RPRD1B: variants seen among roughly 807,000 people sequenced by gnomAD.
RPRD1B encodes the protein regulation of nuclear pre-mRNA domain containing 1B.
A neutral mutation model predicts 41.5 loss-of-function variants in RPRD1B; 11 were observed. The ratio of observed to expected loss-of-function variants is 0.27; its 90% confidence interval spans 0.17 to 0.44. The LOEUF (loss-of-function observed/expected upper bound fraction) is 0.44, where lower values mean the gene tolerates loss of function less well. RPRD1B is among the 20% of genes least tolerant of loss of function. The pLI, the probability that RPRD1B is intolerant of heterozygous loss-of-function variation, is 1.00. For missense variants in RPRD1B, 248 were observed against 389.9 expected (o/e 0.64, Z 3.06); for synonymous variants, 158 against 155.6 (o/e 1.02, Z -0.12).
In RPRD1B at chr20:38,091,962, GT is replaced by G. The variant is rs2074615401; in HGVS notation, c.*2093del. 2.0e-6 allele frequency: 2 copies of G among 985,842 alleles called. No individual in the cohort carries two copies. 61.1% of individuals were successfully genotyped at this position (985,842 alleles called of 1,614,324 possible). A position where few individuals can be genotyped will look rare whatever the true frequency, so the allele number is the denominator to read the frequency against. ...TAGTGGACTTCCTGTGAGGAAGTTA[GT>G]TTTTTGTTTTGATGAAATGCTTTCG... is the stretch of plus-strand genomic sequence containing the variant. On this transcript the variant is annotated 3_prime_UTR_variant, in exon 7 of 7. Coordinates refer to ENST00000373433, the MANE Select transcript of RPRD1B (RefSeq NM_021215.4).
intron 6 of RPRD1B, among the ~76,000 whole-genome samples, chr20:38,087,434 G>A (rs988306075): frequency 4.6e-5 from 7 of 152,092 alleles, no homozygotes; most frequent in African/African-American, 1.7e-4. Flanking sequence ...CTAGAGACTT[G>A]GTGGTTTTCA....
chr20:38,048,199 A>T (rs1487253302), intron 2 of RPRD1B, 149 bp from the exon 3 acceptor site: 1 of 710,440 alleles, frequency 1.4e-6, no homozygotes, highest in Non-Finnish European at 2.1e-6. Context: ...AGTTTTGGGT[A>T]TCCAGGTATT....
chr20:38,053,534 G>C (rs1469038510), intron 3 of RPRD1B, among the ~76,000 whole-genome samples: 2 of 152,196 alleles, frequency 1.3e-5, no homozygotes, highest in Non-Finnish European at 2.9e-5. Flanking sequence ...AAGGCCAGGT[G>C]CTTTAAGAGA....
intron 5 of RPRD1B, 132 bp from the exon 6 acceptor site, chr20:38,065,949 G>A: frequency 1.2e-6 from 1 of 814,528 alleles, no homozygotes; most frequent in Non-Finnish European, 1.9e-6. Flanking sequence ...CTCATTGTTT[G>A]TCCACAGGTG....
In RPRD1B at chr20:38,090,640, C is replaced by T. The variant is rs541283977; in HGVS notation, c.*765C>T. ...ACTTCTCCACTGTCGGAGCACGTTC[C>T]GAAAAACAGAATGCCTTGATCCCTG... On this transcript the variant is annotated 3_prime_UTR_variant, in exon 7 of 7. Transcript: ENST00000373433. The T allele has an allele frequency of 7.5e-5, 74 of 985,458 alleles. 1 individual carries two copies. The South Asian group carries it at 2.6e-3, about 34-fold the overall frequency. 61.0% of individuals were successfully genotyped at this position (985,458 alleles called of 1,614,324 possible).
At chr20:38,072,792 C>T (rs370408013) in intron 6 of RPRD1B, among the ~76,000 whole-genome samples, 6 of 152,182 alleles carry the variant, frequency 3.9e-5, no homozygotes, top group African/African-American at 1.4e-4. Flanking sequence ...AGTGGTATCA[C>T]CTTTCAATAA....
intron 4 of RPRD1B, among the ~76,000 whole-genome samples, chr20:38,058,631 A>T (rs2074267182): frequency 6.6e-6 from 1 of 152,168 alleles, no homozygotes. Context: ...TGATACATTT[A>T]ATTTTGGGAG....
intron 3 of RPRD1B, among the ~76,000 whole-genome samples, chr20:38,049,367 CTTTTTTTTT>C (rs11481142): frequency 4.3e-5 from 4 of 93,424 alleles, no homozygotes; most frequent in South Asian, 4.0e-4. Context: ...TTCTTTTTTT[CTTTTTTTTT>C]TTTTTTTTTT....
intron 3 of RPRD1B, among the ~76,000 whole-genome samples, chr20:38,049,367 C>CTTTTTTTTTTTTTT (rs11481142): frequency 4.0e-4 from 37 of 93,418 alleles, no homozygotes; most frequent in East Asian, 9.2e-4. Flanking sequence ...TTCTTTTTTT[C>CTTTTTTTTTTTTTT]TTTTTTTTTT....
intron 3 of RPRD1B, among the ~76,000 whole-genome samples, chr20:38,052,443 A>G (rs2074195404): frequency 6.6e-6 from 1 of 152,210 alleles, no homozygotes; most frequent in Non-Finnish European, 1.5e-5. Context: ...GACAGCTTGT[A>G]GAACTGTGCC....
At chr20:38,052,057 T>C (rs1417117483) in intron 3 of RPRD1B, among the ~76,000 whole-genome samples, 1 of 152,190 alleles carries the variant, frequency 6.6e-6, no homozygotes, top group Non-Finnish European at 1.5e-5. Flanking sequence ...GGCCCCTAGC[T>C]GTCATTTCTA....
chr20:38,048,408 A>C lies in RPRD1B; in HGVS notation c.342A>C (p.Arg114=). 1 of 1,614,074 alleles carries C rather than the reference A, an allele frequency of 6.2e-7. No homozygotes were observed. The highest frequency in any genetic ancestry group is 2.2e-5 in the East Asian group (1 of 44,888). ...GATTGCTGAACATCTGGCAAGAACG[A>C]AGTGTGTATGGCGGCGAGTTCATAC... The part of the protein sequence containing the change: ...LERLLNIWQE[R]SVYGGEFIQQ... Residue 114 remains arginine, a synonymous_variant, in exon 3 of 7, where the codon CGA becomes CGC. Coordinates refer to ENST00000373433, the MANE Select transcript of RPRD1B (RefSeq NM_021215.4).
At chr20:38,084,694 G>T (rs1368836501) in intron 6 of RPRD1B, among the ~76,000 whole-genome samples, 7 of 152,220 alleles carry the variant, frequency 4.6e-5, no homozygotes, top group African/African-American at 1.4e-4. Context: ...CACGGTGTCA[G>T]CTGGATCCAC....
chr20:38,057,685 A>G (rs764302997), intron 4 of RPRD1B, 41 bp downstream of exon 4: 9 of 1,368,946 alleles, frequency 6.6e-6, no homozygotes, highest in Non-Finnish European at 9.4e-6. Context: ...AGTGGCTTAA[A>G]GTGACCTCTA....
At chr20:38,040,903 C>A (rs181839715) in intron 2 of RPRD1B, among the ~76,000 whole-genome samples, 1 of 152,182 alleles carries the variant, frequency 6.6e-6, no homozygotes, top group Non-Finnish European at 1.5e-5. Context: ...AGTAAGGGAA[C>A]CTTTTAGTAA....
intron 3 of RPRD1B, among the ~76,000 whole-genome samples, chr20:38,054,633 G>T (rs2122717119): frequency 6.6e-6 from 1 of 152,260 alleles, no homozygotes; most frequent in African/African-American, 2.4e-5. Context: ...TCCTCCCAGT[G>T]CCAAAATTCA....
At chr20:38,072,496 T>G (rs2074422472) in intron 6 of RPRD1B, among the ~76,000 whole-genome samples, 1 of 152,210 alleles carries the variant, frequency 6.6e-6, no homozygotes, top group African/African-American at 2.4e-5. Flanking sequence ...CTATTTAGGA[T>G]CGCTTGCAAT....
chr20:38,072,763 G>A (rs1344516795), intron 6 of RPRD1B, among the ~76,000 whole-genome samples: 1 of 152,154 alleles, frequency 6.6e-6, no homozygotes, highest in Non-Finnish European at 1.5e-5. Context: ...TCTAGGTTTT[G>A]GGACCACAGA....
At chr20:38,042,467 C>G (rs2074076489) in intron 2 of RPRD1B, among the ~76,000 whole-genome samples, 1 of 152,124 alleles carries the variant, frequency 6.6e-6, no homozygotes, top group Non-Finnish European at 1.5e-5. Context: ...TTCCTTTTTT[C>G]TTGGGAACAC....
Sources: gnomAD v4.1 joint callset for allele counts (sites outside exome capture counted in the v4.1 genomes callset) on GRCh38, gnomAD v4.1.1 for gene constraint, MANE v1.5 for transcripts, NCBI Gene and HGNC (gene_info 2026-07-23, HGNC 2026-07-21) for gene names.